Variants in TXLNB observed in about 807,000 individuals in gnomAD.
TXLNB encodes the protein beta-taxilin.
A neutral mutation model predicts 57.4 loss-of-function variants in TXLNB; 37 were observed. The observed-to-expected ratio is 0.64, with a 90% CI of 0.50 to 0.85. The LOEUF is 0.85. Among genes scored for constraint, TXLNB ranks in the 40% least tolerant of loss-of-function variants. The probability of loss-of-function intolerance (pLI) is 0.00; values close to 1 mark genes in which losing one functional copy is unlikely to be tolerated. For missense variants in TXLNB, 848 were observed against 825.6 expected, an observed-to-expected ratio of 1.03 and a Z score of -0.33; for synonymous variants, 302 against 309.6, an observed-to-expected ratio of 0.98 and a Z score of 0.26.
the TXLNB span, among the ~76,000 whole-genome samples, chr6:139,202,441 G>T: frequency 1.3e-5 from 2 of 152,152 alleles, no homozygotes; most frequent in East Asian, 3.8e-4. Flanking sequence ...AAACTTACGT[G>T]TATGTACATA....
chr6:139,256,649 C>T (rs376167782), intron 6 of TXLNB, among the ~76,000 whole-genome samples: 2 of 152,228 alleles, frequency 1.3e-5, no homozygotes, highest in African/African-American at 4.8e-5. Context: ...CTTTAGAGTA[C>T]ATCCAGAATC....
intron 2 of TXLNB, 142 bp from the exon 3 acceptor site, chr6:139,277,063 T>C (rs981826240): frequency 5.4e-5 from 33 of 615,224 alleles, no homozygotes; most frequent in African/African-American, 4.9e-4. Context: ...TTCTTTCCTA[T>C]AGAAATGATG....
At chr6:139,277,117 T>C (rs1776918599) in intron 2 of TXLNB, 196 bp from the exon 3 acceptor site, 1 of 532,656 alleles carries the variant, frequency 1.9e-6, no homozygotes, top group South Asian at 2.6e-5. Flanking sequence ...AGTTTGTGAA[T>C]GTGTGGTACG....
chr6:139,280,517 C>A (rs546285801), intron 2 of TXLNB, among the ~76,000 whole-genome samples: 1 of 149,272 alleles, frequency 6.7e-6, no homozygotes, highest in Non-Finnish European at 1.5e-5. Flanking sequence ...TGGTGGCGCA[C>A]GCCTGTAGTC....
At chr6:139,251,866 C>G (rs1403939728) in intron 7 of TXLNB, among the ~76,000 whole-genome samples, 1 of 152,208 alleles carries the variant, frequency 6.6e-6, no homozygotes, top group Non-Finnish European at 1.5e-5. Context: ...GTGCTCTCCT[C>G]TCACCCTGTA....
At chr6:139,245,818 G>A (rs997827305) in intron 8 of TXLNB, among the ~76,000 whole-genome samples, 3 of 152,096 alleles carry the variant, frequency 2.0e-5, no homozygotes, top group African/African-American at 7.2e-5. Context: ...TCAGCCTCCT[G>A]AGTAGCTGGG....
At chr6:139,202,117 G>A in the TXLNB span, among the ~76,000 whole-genome samples, 1 of 152,212 alleles carries the variant, frequency 6.6e-6, no homozygotes, top group African/African-American at 2.4e-5. Flanking sequence ...GTACAGTTCA[G>A]AAACCTGTCC....
the TXLNB span, among the ~76,000 whole-genome samples, chr6:139,186,701 C>G: frequency 6.6e-6 from 1 of 152,042 alleles, no homozygotes; most frequent in Non-Finnish European, 1.5e-5. Context: ...GTAATAGCCC[C>G]AAAAAGAAAC....
In TXLNB at chr6:139,281,041, GATTTATTT is replaced by G. The variant is rs577626653; in HGVS notation, c.425-4128_425-4121del. ...CAACTCTGCCATCAACTAGTTGAGTGATTTATTTATTTATTTTTTTATTTTTTTATTTT... is the reference window on the plus strand; with the variant it reads ...CAACTCTGCCATCAACTAGTTGAGTGATTTATTTTTTTATTTTTTTATTTT... On this transcript the variant is annotated intron_variant, in intron 2 of 9. Coordinates refer to ENST00000358430, the MANE Select transcript of TXLNB (RefSeq NM_153235.4). 9.3e-3 allele frequency among the ~76,000 whole-genome samples: 1,419 copies of G among 152,018 alleles called. 32 individuals are homozygous for G. The highest frequency in any genetic ancestry group is 0.032 in the African/African-American group (1,334 of 41,442).
the TXLNB span, among the ~76,000 whole-genome samples, chr6:139,225,247 G>A: frequency 1.3e-5 from 2 of 152,124 alleles, no homozygotes; most frequent in African/African-American, 4.8e-5. Context: ...AAATATGTAA[G>A]CTTTCCCTTG....
At chr6:139,189,630 A>C in the TXLNB span, among the ~76,000 whole-genome samples, 1 of 152,196 alleles carries the variant, frequency 6.6e-6, no homozygotes, top group Non-Finnish European at 1.5e-5. Flanking sequence ...GAAAATACAA[A>C]CTTCCAGGTC....
the TXLNB span, among the ~76,000 whole-genome samples, chr6:139,233,402 T>C: frequency 7.2e-6 from 1 of 138,762 alleles, no homozygotes; most frequent in Non-Finnish European, 1.5e-5. Flanking sequence ...TATATATTTT[T>C]ATATAAATTT....
chr6:139,288,400 A>G lies in TXLNB; in HGVS notation c.424+76T>C. ...CATCCAAATATTGGATGTGGCTTTT[A>G]GTGAAGTTTGGAAGAAGTGCCCCTT... On this transcript the variant is annotated intron_variant, in intron 2 of 9. Coordinates refer to ENST00000358430, the MANE Select transcript of TXLNB (RefSeq NM_153235.4). 2.9e-6 allele frequency: 4 copies of G among 1,362,338 alleles called. No individual in the cohort carries two copies. The South Asian group carries it at 3.9e-5, about 13-fold the overall frequency. The allele number at this position is 1,362,338 out of a possible 1,614,324, so 84.4% of individuals were successfully genotyped here.
rs1364140672 is a variant in TXLNB, at chr6:139,285,114, G to A, written c.424+3362C>T. Among the ~76,000 whole-genome samples, 5 of 144,998 alleles carry A rather than the reference G, an allele frequency of 3.4e-5. 1 individual carries two copies. The highest frequency in any genetic ancestry group is 7.7e-5 in the Non-Finnish European group (5 of 65,246). ...GTATCGTAAATAGCGGCAGAATTAGGGAGTTGGAATTTTTAAAAACATCAT... is the reference window on the plus strand; with the variant it reads ...GTATCGTAAATAGCGGCAGAATTAGAGAGTTGGAATTTTTAAAAACATCAT... On this transcript the variant is annotated intron_variant, in intron 2 of 9. Coordinates refer to ENST00000358430, the MANE Select transcript of TXLNB (RefSeq NM_153235.4).
chr6:139,249,149 T>A (rs1245019554), intron 7 of TXLNB, among the ~76,000 whole-genome samples: 1 of 152,350 alleles, frequency 6.6e-6, no homozygotes, highest in East Asian at 1.9e-4. Flanking sequence ...TATCGCCAAG[T>A]CCTTAATTCA....
chr6:139,300,580 A>G, the TXLNB span, among the ~76,000 whole-genome samples: 2,709 of 152,148 alleles, frequency 0.018, 38 homozygotes, highest in Non-Finnish European at 0.03. Context: ...CTCCTAATGT[A>G]TCTTATATGA....
chr6:139,164,694 T>C, the TXLNB span, among the ~76,000 whole-genome samples: 1 of 152,106 alleles, frequency 6.6e-6, no homozygotes, highest in African/African-American at 2.4e-5. Context: ...TTGAAAATTG[T>C]AGAAATGCCA....
the TXLNB span, among the ~76,000 whole-genome samples, chr6:139,189,248 CTT>C: frequency 1.3e-5 from 2 of 152,296 alleles, no homozygotes; most frequent in African/African-American, 4.8e-5. Context: ...TATGATTTCT[CTT>C]TTGATGTTTT....
At chr6:139,180,697 GAA>G in the TXLNB span, 2 of 152,618 alleles carry the variant, frequency 1.3e-5, no homozygotes, top group African/African-American at 4.8e-5. Context: ...AATAGTTAAA[GAA>G]TGTTGATAAA....
Sources: gnomAD v4.1 joint callset for allele counts (sites outside exome capture counted in the v4.1 genomes callset) on GRCh38, gnomAD v4.1.1 for gene constraint, MANE v1.5 for transcripts, NCBI Gene and HGNC (gene_info 2026-07-23, HGNC 2026-07-21) for gene names.